The following KCTD8 variants were observed in gnomAD, a reference collection of about 807,000 sequenced individuals.
The protein encoded by KCTD8 is BTB/POZ domain-containing protein KCTD8.
A neutral mutation model predicts 31.5 loss-of-function variants in KCTD8; 27 were observed. That is an observed-to-expected ratio of 0.86 (90% CI 0.63 to 1.18). The LOEUF is 1.18. Among genes scored for constraint, KCTD8 ranks in the 50% most tolerant of loss-of-function variants. The pLI is 0.00. For synonymous variants in KCTD8, 290 were observed against 280.0 expected, an observed-to-expected ratio of 1.04 and a Z score of -0.36; for missense variants, 658 against 647.7, an observed-to-expected ratio of 1.02 and a Z score of -0.17.
chr4:44,382,204 T>C (rs934315461), intron 1 of KCTD8, among the ~76,000 whole-genome samples: 2 of 151,822 alleles, frequency 1.3e-5, no homozygotes, highest in African/African-American at 4.8e-5. Context: ...AACATCAGAT[T>C]TGAACTGCAC....
intron 1 of KCTD8, among the ~76,000 whole-genome samples, chr4:44,433,281 G>A (rs1721559088): frequency 6.6e-6 from 1 of 151,642 alleles, no homozygotes; most frequent in African/African-American, 2.4e-5. Flanking sequence ...AGATCACAAA[G>A]TCTGACCTAA....
chr4:44,291,345 G>A (rs995610375), intron 1 of KCTD8, among the ~76,000 whole-genome samples: 12 of 152,026 alleles, frequency 7.9e-5, no homozygotes, highest in Non-Finnish European at 1.5e-4. Flanking sequence ...AACCTACAAC[G>A]ATTTGATTTT....
chr4:44,233,354 C>T (rs147445652), intron 1 of KCTD8, among the ~76,000 whole-genome samples: 9 of 152,198 alleles, frequency 5.9e-5, no homozygotes, highest in Admixed American at 1.3e-4. Context: ...CAATTTAGAG[C>T]GTTTCCGTTT....
intron 1 of KCTD8, among the ~76,000 whole-genome samples, chr4:44,263,714 T>G (rs532842415): frequency 3.8e-4 from 58 of 152,266 alleles, no homozygotes; most frequent in African/African-American, 1.4e-3. Flanking sequence ...AATGCATCCC[T>G]AGTCAACAGT....
chr4:44,307,445 G>C (rs1015793887), intron 1 of KCTD8, among the ~76,000 whole-genome samples: 3 of 152,040 alleles, frequency 2.0e-5, no homozygotes, highest in Non-Finnish European at 2.9e-5. Context: ...GCTCATGCGT[G>C]ATCATTTTCA....
At chr4:44,249,747 CCTT>C (rs1203821922) in intron 1 of KCTD8, among the ~76,000 whole-genome samples, 1 of 151,538 alleles carries the variant, frequency 6.6e-6, no homozygotes, top group East Asian at 1.9e-4. Context: ...TTCCATGTCT[CCTT>C]CTCCCTTTCC....
chr4:44,222,948 A>C (rs552499805), intron 1 of KCTD8, among the ~76,000 whole-genome samples: 1 of 152,194 alleles, frequency 6.6e-6, no homozygotes, highest in Non-Finnish European at 1.5e-5. Context: ...TGGTCCTTGT[A>C]AGTTATGATG....
At chr4:44,189,261 T>C (rs1713687394) in intron 1 of KCTD8, among the ~76,000 whole-genome samples, 1 of 152,198 alleles carries the variant, frequency 6.6e-6, no homozygotes, top group Non-Finnish European at 1.5e-5. Context: ...TCAGCCATAA[T>C]TTGTCTCCTC....
intron 1 of KCTD8, among the ~76,000 whole-genome samples, chr4:44,410,740 T>C (rs1720933767): frequency 6.6e-6 from 1 of 152,036 alleles, no homozygotes; most frequent in Non-Finnish European, 1.5e-5. Context: ...AACTATCAGC[T>C]CTTGTGAGAC....
chr4:44,416,123 A>C (rs1278185230), intron 1 of KCTD8, among the ~76,000 whole-genome samples: 3 of 152,188 alleles, frequency 2.0e-5, no homozygotes, highest in African/African-American at 4.8e-5. Context: ...GTCAAAGGAG[A>C]TTATTTTCGA....
rs142029073 is a variant in KCTD8, at chr4:44,307,440, T to C, written c.962-132190A>G. 2.2e-4 allele frequency among the ~76,000 whole-genome samples: 33 copies of C among 152,168 alleles called. 1 individual carries two copies. Among genetic ancestry groups the C allele is most frequent in the African/African-American group, 7.7e-4 (32 of 41,550 alleles). On this transcript the variant is annotated intron_variant, in intron 1 of 1. Transcript: ENST00000360029. Reference sequence around the variant, plus strand: ...TGTGAAATCATCGTACACTTGCTCATGCGTGATCATTTTCAAGAGGAATGT... The same window carrying C: ...TGTGAAATCATCGTACACTTGCTCACGCGTGATCATTTTCAAGAGGAATGT...
intron 1 of KCTD8, among the ~76,000 whole-genome samples, chr4:44,260,863 T>C (rs1483076278): frequency 6.6e-6 from 1 of 151,974 alleles, no homozygotes; most frequent in Non-Finnish European, 1.5e-5. Context: ...TGGTATGAGT[T>C]TGGTTCTTAA....
rs140959192 is a variant in KCTD8 at position 44,448,069 on chromosome 4, T to C, written c.455A>G (p.Lys152Arg). The part of the protein sequence containing the change: ...LVKLLSPKVT[K>R]QNSLNDEGCQ... ...GCCCTCGTCGTTGAGAGAGTTCTGC[T>C]TGGTGACCTTGGGCGACAGCAGCTT... The change falls in exon 1 of 2, where the codon AAG (lysine) becomes AGG (arginine). Residue 152 changes from lysine to arginine, a missense_variant. By Grantham distance (26) the Lys-to-Arg change is conservative. Coordinates refer to ENST00000360029, the MANE Select transcript of KCTD8 (RefSeq NM_198353.3). The surrounding 1 kb of genome is among the most constrained non-coding windows in gnomAD (Gnocchi z 4.1). The C allele has an allele frequency of 1.6e-5, 26 of 1,612,372 alleles. No individual in the cohort carries two copies. The African/African-American group carries it at 2.5e-4, about 16-fold the overall frequency.
At chr4:44,232,072 A>C (rs931169113) in intron 1 of KCTD8, among the ~76,000 whole-genome samples, 3 of 152,170 alleles carry the variant, frequency 2.0e-5, no homozygotes, top group African/African-American at 7.2e-5. Flanking sequence ...ATAATATGCA[A>C]ATTTCTCGGT....
intron 1 of KCTD8, among the ~76,000 whole-genome samples, chr4:44,363,495 A>C (rs1352259410): frequency 6.6e-6 from 1 of 151,512 alleles, no homozygotes; most frequent in Non-Finnish European, 1.5e-5. Flanking sequence ...AGACTTGAGT[A>C]AAATGAGATG....
Position 44,445,092 on chromosome 4 carries a change from A to G in KCTD8, c.961+2471T>C, listed in dbSNP as rs552649789. Among the ~76,000 whole-genome samples the G allele has an allele frequency of 2.6e-5, 4 of 152,360 alleles. No individual in the cohort carries two copies. The South Asian group carries it at 6.2e-4, about 24-fold the overall frequency. ...TTTTTAAATAGAAACTTGCCAAATA[A>G]GATAAACACATTTGGTCATCAACTA... On this transcript the variant is annotated intron_variant, in intron 1 of 1. Coordinates refer to ENST00000360029, the MANE Select transcript of KCTD8 (RefSeq NM_198353.3).
intron 1 of KCTD8, among the ~76,000 whole-genome samples, chr4:44,248,179 G>A (rs1715724567): frequency 6.6e-6 from 1 of 151,692 alleles, no homozygotes; most frequent in African/African-American, 2.4e-5. Flanking sequence ...ACGAGTGTAA[G>A]CTTTTTAGTA....
chr4:44,366,714 T>C (rs989932066), intron 1 of KCTD8, among the ~76,000 whole-genome samples: 1 of 152,156 alleles, frequency 6.6e-6, no homozygotes, highest in African/African-American at 2.4e-5. Context: ...TTCCTTGTAG[T>C]AGGATTTGGA....
At chr4:44,346,877 G>A (rs1245713950) in intron 1 of KCTD8, among the ~76,000 whole-genome samples, 1 of 152,162 alleles carries the variant, frequency 6.6e-6, no homozygotes, top group African/African-American at 2.4e-5. Flanking sequence ...AACACAAAAA[G>A]TAAAGTATAT....
Sources: gnomAD v4.1 joint callset for allele counts (sites outside exome capture counted in the v4.1 genomes callset) on GRCh38, gnomAD v4.1.1 for gene constraint, Gnocchi (gnomAD v3.1) non-coding constraint, MANE v1.5 for transcripts, NCBI Gene and HGNC (gene_info 2026-07-23, HGNC 2026-07-21) for gene names.